GLRX2: variants seen among roughly 807,000 people sequenced by gnomAD.
GLRX2 encodes the protein bA101E13.1 (GRX2 glutaredoxin (thioltransferase) 2).
A neutral mutation model predicts 16.4 loss-of-function variants in GLRX2; 12 were observed. The ratio of observed to expected loss-of-function variants is 0.73; its 90% CI spans 0.47 to 1.19. The LOEUF (loss-of-function observed/expected upper bound fraction) is 1.19. Among genes scored for constraint, GLRX2 ranks in the 50% most tolerant of loss-of-function variants. The pLI is 0.00. For synonymous variants in GLRX2, 95 were observed against 76.2 expected (o/e 1.25, Z -1.28); for missense variants, 201 against 201.8 (o/e 1.00, Z 0.02).
intron 2 of GLRX2, among the ~76,000 whole-genome samples, chr1:193,098,568 C>CT (rs1675006019): frequency 1.3e-5 from 2 of 151,918 alleles, no homozygotes; most frequent in African/African-American, 4.8e-5. Context: ...TTGTACATTT[C>CT]TTTTTTTTGA....
chr1:193,104,092 A>C (rs924601018), intron 1 of GLRX2, among the ~76,000 whole-genome samples: 1 of 152,172 alleles, frequency 6.6e-6, no homozygotes, highest in African/African-American at 2.4e-5. Context: ...CTACTACAGC[A>C]TTTACTACTG....
At position 193,101,206 on chromosome 1, in the gene GLRX2, TA is replaced by T; in HGVS notation, c.120-3del. The T allele has an allele frequency of 1.3e-6, 2 of 1,585,800 alleles. No homozygotes were observed. Among genetic ancestry groups the T allele is most frequent in the Non-Finnish European group, 8.7e-7 (1 of 1,154,336 alleles). ...GATGATGATGTATTGCTCTCCATCC[TA>T]AAAGGAATTTAAGAGAACAATGTAG... On this transcript the variant is annotated splice_region_variant and splice_polypyrimidine_tract_variant and intron_variant, in intron 1 of 3. Coordinates refer to ENST00000367439, the MANE Select transcript of GLRX2 (RefSeq NM_197962.3).
At chr1:193,102,930 C>G (rs922185774) in intron 1 of GLRX2, among the ~76,000 whole-genome samples, 1 of 152,156 alleles carries the variant, frequency 6.6e-6, no homozygotes, top group African/African-American at 2.4e-5. Flanking sequence ...TGTATAAGCT[C>G]CCCACGCTTT....
chr1:193,097,807 T>C (rs1674990519), intron 2 of GLRX2, 47 bp from the exon 3 acceptor site: 1 of 1,329,074 alleles, frequency 7.5e-7, no homozygotes, highest in African/African-American at 1.5e-5. Context: ...ACATTACCAT[T>C]TGGAAATAAA....
upstream of GLRX2, chr1:193,105,460 C>T: frequency 1.4e-6 from 2 of 1,450,204 alleles, no homozygotes; most frequent in East Asian, 2.8e-5. Flanking sequence ...CGGCCCGGCC[C>T]CCGCCTTGCC....
intron 1 of GLRX2, among the ~76,000 whole-genome samples, chr1:193,104,586 C>A (rs1572130304): frequency 6.6e-6 from 1 of 152,228 alleles, no homozygotes; most frequent in Non-Finnish European, 1.5e-5. Flanking sequence ...CAGTGGCAGG[C>A]GCGGAAGTGC....
intron 2 of GLRX2, among the ~76,000 whole-genome samples, chr1:193,098,850 C>T (rs771624010): frequency 3.3e-5 from 5 of 152,036 alleles, no homozygotes; most frequent in Admixed American, 6.5e-5. Context: ...CGCGCCCAGC[C>T]CCAAAACATT....
intron 1 of GLRX2, among the ~76,000 whole-genome samples, chr1:193,101,687 C>A (rs1337503342): frequency 6.6e-6 from 1 of 152,178 alleles, no homozygotes; most frequent in Non-Finnish European, 1.5e-5. Context: ...AAAGTGGAAA[C>A]AATAATCACT....
upstream of GLRX2, chr1:193,105,790 A>G (rs1675189254): frequency 1.5e-6 from 2 of 1,343,736 alleles, no homozygotes; most frequent in African/African-American, 3.1e-5. Flanking sequence ...GTGGTGCCTC[A>G]GATGTTTCCA....
At chr1:193,105,193 C>G (rs1253629000) in intron 1 of GLRX2, 71 bp downstream of exon 1, 1 of 1,470,590 alleles carries the variant, frequency 6.8e-7, no homozygotes, top group Non-Finnish European at 8.9e-7. Context: ...GCACCTCCGC[C>G]CACCGCTTTC....
chr1:193,106,062 G>T, upstream of GLRX2: 1 of 986,092 alleles, frequency 1.0e-6, no homozygotes, highest in South Asian at 4.6e-5. Flanking sequence ...GGAAATGGGC[G>T]ATTGCTGTTG....
chr1:193,102,965 G>A (rs1165363411), intron 1 of GLRX2, among the ~76,000 whole-genome samples: 2 of 152,152 alleles, frequency 1.3e-5, no homozygotes, highest in East Asian at 3.8e-4. Flanking sequence ...TTGGTGACCA[G>A]ATCGACTGTC....
At chr1:193,096,848 G>A in intron 3 of GLRX2, 89 bp from the exon 4 acceptor site, 2 of 931,220 alleles carry the variant, frequency 2.1e-6, no homozygotes, top group Non-Finnish European at 3.2e-6. Flanking sequence ...TGAACTCTGG[G>A]TACTTTTATG....
chr1:193,099,096 AG>A (rs1675020848), intron 2 of GLRX2, among the ~76,000 whole-genome samples: 1 of 152,180 alleles, frequency 6.6e-6, no homozygotes, highest in Non-Finnish European at 1.5e-5. Flanking sequence ...TGATTCAATG[AG>A]TTTGAGGTAG....
intron 2 of GLRX2, among the ~76,000 whole-genome samples, chr1:193,098,982 C>T (rs1675018314): frequency 6.6e-6 from 1 of 152,228 alleles, no homozygotes; most frequent in East Asian, 1.9e-4. Flanking sequence ...TACCCCTCTA[C>T]TTCTATCCTT....
chr1:193,099,089 T>C (rs947668021), intron 2 of GLRX2, among the ~76,000 whole-genome samples: 7 of 152,208 alleles, frequency 4.6e-5, no homozygotes, highest in African/African-American at 1.7e-4. Context: ...GAAATGCTGA[T>C]TCAATGAGTT....
upstream of GLRX2, chr1:193,105,477 C>A: frequency 6.8e-7 from 1 of 1,478,610 alleles, no homozygotes; most frequent in Non-Finnish European, 8.9e-7. Flanking sequence ...TGCCCCGCCC[C>A]GTCCCGCCCC....
At chr1:193,105,745 G>T, upstream of GLRX2, 1 of 1,407,476 alleles carries the variant, frequency 7.1e-7, no homozygotes, top group Non-Finnish European at 9.3e-7. Flanking sequence ...GGGAAACGGA[G>T]GAGAAAAAAC....
chr1:193,103,136 C>A (rs1386143844), intron 1 of GLRX2, among the ~76,000 whole-genome samples: 1 of 151,978 alleles, frequency 6.6e-6, no homozygotes. Flanking sequence ...CCCTAAAGTG[C>A]TTCCTTTAAG....
Sources: allele counts gnomAD v4.1 joint callset (sites outside exome capture counted in the v4.1 genomes callset), GRCh38; gene constraint gnomAD v4.1.1; transcripts MANE v1.5; gene names NCBI Gene and HGNC (gene_info 2026-07-23, HGNC 2026-07-21).